The following CAMTA1 variants were observed in gnomAD, a reference collection of about 807,000 sequenced individuals.
CAMTA1 encodes the protein calmodulin binding transcription activator 1.
In CAMTA1, 27 loss-of-function variants were observed where a neutral mutation model predicts 170.9. The observed-to-expected ratio is 0.16, with a 90% CI of 0.12 to 0.22. CAMTA1 has a LOEUF of 0.22. Among genes scored for constraint, CAMTA1 ranks in the 10% least tolerant of loss-of-function variants. The probability of loss-of-function intolerance (pLI) is 1.00; values close to 1 mark genes in which losing one functional copy is unlikely to be tolerated. For missense variants in CAMTA1, 1,619 were observed against 2,217.2 expected (o/e 0.73, Z 5.42); for synonymous variants, 833 against 891.5 (o/e 0.93, Z 1.17).
At chr1:7,430,945 T>A (rs2092128675) in intron 5 of CAMTA1, among the ~76,000 whole-genome samples, 1 of 152,240 alleles carries the variant, frequency 6.6e-6, no homozygotes, top group Non-Finnish European at 1.5e-5. Context: ...TATAACAATT[T>A]CTAAAAGAGA....
At chr1:7,090,881 A>G (rs1222605739) in intron 3 of CAMTA1, among the ~76,000 whole-genome samples, 1 of 152,226 alleles carries the variant, frequency 6.6e-6, no homozygotes, top group African/African-American at 2.4e-5. Flanking sequence ...AGAGAATGCG[A>G]CGTCTCTTGT....
intron 6 of CAMTA1, among the ~76,000 whole-genome samples, chr1:7,576,949 AG>A (rs2095202215): frequency 6.6e-6 from 1 of 152,202 alleles, no homozygotes; most frequent in Admixed American, 6.5e-5. Flanking sequence ...AAGTGGAGAA[AG>A]GGGCTGAATG....
At chr1:7,743,458 G>C (rs35578351) in intron 16 of CAMTA1, among the ~76,000 whole-genome samples, 1 of 151,948 alleles carries the variant, frequency 6.6e-6, no homozygotes, top group African/African-American at 2.4e-5. Flanking sequence ...CTCACTGCAC[G>C]GTGCCCTGTG....
At chr1:7,178,157 C>G (rs1395459686) in intron 4 of CAMTA1, among the ~76,000 whole-genome samples, 1 of 152,212 alleles carries the variant, frequency 6.6e-6, no homozygotes, top group African/African-American at 2.4e-5. Flanking sequence ...GAGGTCCGTT[C>G]TCTTTTCTGT....
Position 6,911,318 on chromosome 1 carries a change from A to G in CAMTA1, c.234+86108A>G, listed in dbSNP as rs532676536. ...GAAGAAGCCCACTGGAGCTGAGAGG[A>G]CAGTACCTGGTGTCAGCTCCTTCGA... On this transcript the variant is annotated intron_variant, in intron 3 of 22. Transcript: ENST00000303635. Among the ~76,000 whole-genome samples the G allele has an allele frequency of 3.9e-5, 6 of 152,124 alleles. No homozygotes were observed. In the East Asian group the frequency reaches 1.2e-3, roughly 29 times the overall value.
intron 3 of CAMTA1, among the ~76,000 whole-genome samples, chr1:7,071,915 G>A (rs1308149010): frequency 6.6e-6 from 1 of 152,236 alleles, no homozygotes; most frequent in Non-Finnish European, 1.5e-5. Context: ...GAGGGATGAA[G>A]CAGAGGTTGG....
At chr1:7,267,045 G>T (rs935062074) in intron 5 of CAMTA1, among the ~76,000 whole-genome samples, 7 of 152,194 alleles carry the variant, frequency 4.6e-5, no homozygotes, top group African/African-American at 1.7e-4. Context: ...GCTTTATGCT[G>T]AGTGATGCTG....
chr1:6,903,029 A>G (rs1189976725), intron 3 of CAMTA1, among the ~76,000 whole-genome samples: 1 of 152,250 alleles, frequency 6.6e-6, no homozygotes, highest in African/African-American at 2.4e-5. Flanking sequence ...GTTCATATAA[A>G]GCCAAAAATA....
At chr1:7,511,868 T>A (rs530583713) in intron 6 of CAMTA1, among the ~76,000 whole-genome samples, 1 of 152,118 alleles carries the variant, frequency 6.6e-6, no homozygotes, top group African/African-American at 2.4e-5. Context: ...TAATACACCA[T>A]CCCCTGGGAG....
chr1:7,040,536 C>T (rs1704278265), intron 3 of CAMTA1, among the ~76,000 whole-genome samples: 1 of 152,172 alleles, frequency 6.6e-6, no homozygotes, highest in Non-Finnish European at 1.5e-5. Context: ...CACCTGAAGG[C>T]ATCAGCCTGC....
At chr1:7,006,348 A>G (rs1313700814) in intron 3 of CAMTA1, among the ~76,000 whole-genome samples, 5 of 152,196 alleles carry the variant, frequency 3.3e-5, no homozygotes, top group Non-Finnish European at 5.9e-5. Flanking sequence ...ACATAAAAGC[A>G]GAAAGAAGAA....
At chr1:7,328,921 G>A (rs1245839609) in intron 5 of CAMTA1, among the ~76,000 whole-genome samples, 1 of 151,976 alleles carries the variant, frequency 6.6e-6, no homozygotes, top group African/African-American at 2.4e-5. Context: ...TCCAATATCT[G>A]AGTCTTGGCA....
chr1:7,023,264 A>G (rs142629529), intron 3 of CAMTA1, among the ~76,000 whole-genome samples: 1 of 152,260 alleles, frequency 6.6e-6, no homozygotes, highest in Non-Finnish European at 1.5e-5. Flanking sequence ...TTGGTCCCGA[A>G]TTAGTGGTAC....
At chr1:7,026,692 G>A (rs1164640351) in intron 3 of CAMTA1, among the ~76,000 whole-genome samples, 1 of 147,232 alleles carries the variant, frequency 6.8e-6, no homozygotes, top group African/African-American at 2.5e-5. Context: ...GTGCAGTGGC[G>A]CGATCTCAGC....
chr1:7,542,838 AGTGT>A (rs373719721), intron 6 of CAMTA1, among the ~76,000 whole-genome samples: 3,826 of 55,826 alleles, frequency 0.069, 72 homozygotes, highest in Admixed American at 0.099. Flanking sequence ...CCTAAAACAC[AGTGT>A]GTGTGTGTGT....
intron 5 of CAMTA1, among the ~76,000 whole-genome samples, chr1:7,384,667 A>G (rs1217394103): frequency 6.6e-6 from 1 of 152,092 alleles, no homozygotes; most frequent in African/African-American, 2.4e-5. Flanking sequence ...TTTAATTAGA[A>G]TAGAGATAGT....
At chr1:7,660,641 C>T (rs1003697015) in intron 7 of CAMTA1, among the ~76,000 whole-genome samples, 1 of 152,228 alleles carries the variant, frequency 6.6e-6, no homozygotes, top group African/African-American at 2.4e-5. Context: ...TTCTAGAGCC[C>T]TTCACAGAAC....
chr1:6,802,584 A>C (rs750507647), intron 1 of CAMTA1, among the ~76,000 whole-genome samples: 21 of 152,216 alleles, frequency 1.4e-4, no homozygotes, highest in African/African-American at 4.8e-4. Flanking sequence ...GGAGTGTCTT[A>C]TGTTCAGATG....
intron 5 of CAMTA1, among the ~76,000 whole-genome samples, chr1:7,257,370 G>A (rs1667568140): frequency 6.6e-6 from 1 of 152,196 alleles, no homozygotes; most frequent in South Asian, 2.1e-4. Context: ...CAGTGGTTGG[G>A]AGTTGGTCCC....
Sources: allele counts gnomAD v4.1 joint callset (sites outside exome capture counted in the v4.1 genomes callset), GRCh38; gene constraint gnomAD v4.1.1; transcripts MANE v1.5; gene names NCBI Gene and HGNC (gene_info 2026-07-23, HGNC 2026-07-21).